Variants in SV2C observed in about 807,000 individuals in gnomAD.
SV2C encodes synaptic vesicle glycoprotein 2C, also known as solute carrier family 22 member B3.
In SV2C, 49 loss-of-function variants were observed where a neutral mutation model predicts 79.7. The ratio of observed to expected loss-of-function variants is 0.61; its 90% CI spans 0.49 to 0.78. SV2C has a LOEUF of 0.78. Ranked by LOEUF, SV2C falls within the 30% of genes least tolerant of loss-of-function variation. The pLI is 0.00. For missense variants in SV2C, 833 were observed against 912.9 expected (o/e 0.91, Z 1.13); for synonymous variants, 334 against 333.2 (o/e 1.00, Z -0.03).
At chr5:75,871,440 A>T in the SV2C span, among the ~76,000 whole-genome samples, 1 of 152,208 alleles carries the variant, frequency 6.6e-6, no homozygotes, top group East Asian at 1.9e-4. Context: ...TTTGCAAGTG[A>T]TAAGACTGTT....
At chr5:76,214,539 A>T (rs536916282) in intron 4 of SV2C, among the ~76,000 whole-genome samples, 5 of 152,234 alleles carry the variant, frequency 3.3e-5, no homozygotes, top group South Asian at 4.1e-4. Flanking sequence ...AGATTTTAGG[A>T]TTGTTTCTTC....
chr5:76,011,934 G>A, the SV2C span, among the ~76,000 whole-genome samples: 446 of 152,188 alleles, frequency 2.9e-3, 1 homozygote, highest in African/African-American at 9.9e-3. Flanking sequence ...TGCAAAGGAC[G>A]TGAACTCATT....
chr5:76,213,723 G>A (rs957795594), intron 4 of SV2C, among the ~76,000 whole-genome samples: 1 of 152,118 alleles, frequency 6.6e-6, no homozygotes, highest in African/African-American at 2.4e-5. Flanking sequence ...CATCTTTCAT[G>A]TGTGTATGAT....
chr5:76,030,470 A>G, the SV2C span, among the ~76,000 whole-genome samples: 1 of 151,940 alleles, frequency 6.6e-6, no homozygotes, highest in Non-Finnish European at 1.5e-5. Flanking sequence ...ACAGAGTTAG[A>G]TGCCATCTGG....
intron 4 of SV2C, among the ~76,000 whole-genome samples, chr5:76,265,790 T>A (rs571854656): frequency 1.3e-5 from 2 of 152,106 alleles, no homozygotes; most frequent in South Asian, 4.2e-4. Flanking sequence ...CTGCTTGCCC[T>A]CTGTGGGCTG....
At chr5:75,862,939 C>T in the SV2C span, among the ~76,000 whole-genome samples, 162 of 152,292 alleles carry the variant, frequency 1.1e-3, 1 homozygote, top group Middle Eastern at 3.4e-3. Context: ...TCGGGAATCA[C>T]GGAACGGGGA....
Position 76,274,711 on chromosome 5 carries a change from GAGA to G in SV2C, c.914-10448_914-10446del, listed in dbSNP as rs573364162. On this transcript the variant is annotated intron_variant, in intron 4 of 12. Transcript: ENST00000502798. The stretch of plus-strand genomic sequence containing the variant: ...TTTTTTTTTTTTCTTTTTACAAATT[GAGA>G]AGGAGATGAAAAATCTCTGCTGGTA... Among the ~76,000 whole-genome samples, 19 of 129,038 alleles carry G rather than the reference GAGA, an allele frequency of 1.5e-4. No individual in the cohort carries two copies. The East Asian group carries it at 2.0e-3, about 14-fold the overall frequency. The allele number at this position is 129,038 out of a possible 152,430, so 84.7% of individuals were successfully genotyped here.
upstream of SV2C, among the ~76,000 whole-genome samples, chr5:76,082,738 G>A (rs1747037454): frequency 6.7e-6 from 1 of 149,762 alleles, no homozygotes; most frequent in Non-Finnish European, 1.5e-5. Context: ...GGAGACAGTA[G>A]ACTTAACCCA....
In SV2C at chr5:76,114,089, G is replaced by A. The variant is rs556101791; in HGVS notation, c.-101-17561G>A. On this transcript the variant is annotated intron_variant, in intron 1 of 12. Coordinates refer to ENST00000502798, the MANE Select transcript of SV2C (RefSeq NM_014979.4). ...GCTCCAGTTCTCATGCTTTGCAGAC[G>A]GCTCTGTGGGGACTTGTGCACCACT... 2.7e-3 allele frequency among the ~76,000 whole-genome samples: 406 copies of A among 152,298 alleles called. 1 individual carries two copies. The highest frequency in any genetic ancestry group is 4.7e-3 in the Non-Finnish European group (323 of 68,018).
chr5:76,072,681 C>T, the SV2C span, among the ~76,000 whole-genome samples: 26 of 152,204 alleles, frequency 1.7e-4, no homozygotes, highest in Non-Finnish European at 2.9e-4. Flanking sequence ...AAGAAATCTC[C>T]ACATTTTTTC....
the SV2C span, among the ~76,000 whole-genome samples, chr5:76,065,654 C>T: frequency 1.3e-5 from 2 of 152,148 alleles, no homozygotes; most frequent in Non-Finnish European, 2.9e-5. Context: ...TCACACTACA[C>T]ATCAATTTTT....
the SV2C span, among the ~76,000 whole-genome samples, chr5:76,009,818 A>G: frequency 6.6e-6 from 1 of 152,102 alleles, no homozygotes. Context: ...CAGCACCTTG[A>G]TGATGGGATC....
chr5:76,244,451 C>A (rs1049268848), intron 4 of SV2C, among the ~76,000 whole-genome samples: 6 of 152,104 alleles, frequency 3.9e-5, no homozygotes, highest in Non-Finnish European at 7.4e-5. Flanking sequence ...TTTCTAGTAA[C>A]CACATCAAAC....
chr5:75,892,343 G>A, the SV2C span, among the ~76,000 whole-genome samples: 1 of 151,414 alleles, frequency 6.6e-6, no homozygotes, highest in Non-Finnish European at 1.5e-5. Context: ...GTGTATCTAG[G>A]GTGTTTGCCA....
the SV2C span, among the ~76,000 whole-genome samples, chr5:76,003,013 G>A: frequency 2.6e-5 from 4 of 152,094 alleles, no homozygotes; most frequent in African/African-American, 9.7e-5. Context: ...GAATCATGGG[G>A]GTTGTTTCCC....
At chr5:75,857,937 AT>A in the SV2C span, among the ~76,000 whole-genome samples, 1 of 152,136 alleles carries the variant, frequency 6.6e-6, no homozygotes, top group Non-Finnish European at 1.5e-5. Context: ...AATGCTACTC[AT>A]TTTTGTATGT....
intron 4 of SV2C, among the ~76,000 whole-genome samples, chr5:76,231,491 G>C (rs1265963579): frequency 6.6e-6 from 1 of 151,436 alleles, no homozygotes; most frequent in Non-Finnish European, 1.5e-5. Flanking sequence ...CATTGTGCAG[G>C]TTAGTTACAT....
At chr5:76,159,701 T>C (rs1742841650) in intron 2 of SV2C, among the ~76,000 whole-genome samples, 1 of 152,114 alleles carries the variant, frequency 6.6e-6, no homozygotes, top group South Asian at 2.1e-4. Context: ...CTCTCTTCTC[T>C]TCTTGTAATT....
At chr5:76,074,994 CTG>C in the SV2C span, among the ~76,000 whole-genome samples, 13 of 152,226 alleles carry the variant, frequency 8.5e-5, no homozygotes, top group South Asian at 2.7e-3. Flanking sequence ...ATGCTTTCAG[CTG>C]TGAGCAAAAG....
Sources: gnomAD v4.1 joint callset for allele counts (sites outside exome capture counted in the v4.1 genomes callset) on GRCh38, gnomAD v4.1.1 for gene constraint, MANE v1.5 for transcripts, NCBI Gene and HGNC (gene_info 2026-07-23, HGNC 2026-07-21) for gene names.